SASS6: variants seen among roughly 807,000 people sequenced by gnomAD.
SASS6 encodes the protein SAS-6 centriolar assembly protein, also known as spindle assembly abnormal protein 6 homolog.
In SASS6, 59 loss-of-function variants were observed where a neutral mutation model predicts 94.9. The ratio of observed to expected loss-of-function variants is 0.62; its 90% CI spans 0.50 to 0.77. The LOEUF (loss-of-function observed/expected upper bound fraction) is 0.77, where lower values mean the gene tolerates loss of function less well. Among genes scored for constraint, SASS6 ranks in the 30% least tolerant of loss-of-function variants. SASS6 has a pLI of 0.00. For synonymous variants in SASS6, 264 were observed against 270.0 expected (o/e 0.98, Z 0.22); for missense variants, 698 against 734.1 (o/e 0.95, Z 0.57).
chr1:100,106,982 T>C lies in SASS6; in HGVS notation c.1338A>G (p.Leu446=). 1 of 1,380,654 alleles carries C rather than the reference T, an allele frequency of 7.2e-7. No homozygotes were observed. The highest frequency in any genetic ancestry group is 1.0e-6 in the Non-Finnish European group (1 of 972,300). 85.5% of individuals were successfully genotyped at this position (1,380,654 alleles called of 1,614,324 possible). A position where few individuals can be genotyped will look rare whatever the true frequency, so the allele number is the denominator to read the frequency against. ...TAACTGTAGCTTCTAATTGTTCTTG[T>C]AATTTGCATACCTGAAATATATCAA... ...LRIKEQEVCK[L]QEQLEATVKK... The change falls in exon 12 of 17, where the codon TTA becomes TTG. Residue 446 remains leucine, a synonymous_variant. Transcript: ENST00000287482.
At chr1:100,120,299 G>A (rs561746546) in intron 6 of SASS6, 95 bp downstream of exon 6, 1 of 666,922 alleles carries the variant, frequency 1.5e-6, no homozygotes, top group South Asian at 1.9e-5. Context: ...AGCATGCTTT[G>A]AAAGAAAATA....
In SASS6 at chr1:100,132,918, G is replaced by A. The variant is rs1023821209; in HGVS notation, c.-104C>T. 1.0e-5 allele frequency: 12 copies of A among 1,181,560 alleles called. No homozygotes were observed. The highest frequency in any genetic ancestry group is 3.9e-5 in the Admixed American group (2 of 51,530). The allele number at this position is 1,181,560 out of a possible 1,614,324, so 73.2% of individuals were successfully genotyped here. A position where few individuals can be genotyped will look rare whatever the true frequency, so the allele number is the denominator to read the frequency against. On this transcript the variant is annotated 5_prime_UTR_variant, in exon 1 of 17. Transcript: ENST00000287482. The stretch of plus-strand genomic sequence containing the variant: ...CTGATAAAGTTTGAGTTTGGCGCTC[G>A]GCTTCTGCGGAGGAGGCGGGGAGGG...
intron 7 of SASS6, among the ~76,000 whole-genome samples, chr1:100,117,060 G>GAGGAGGGCAGATCACCTAAGGTC (rs1653843612): frequency 6.6e-6 from 1 of 151,088 alleles, no homozygotes. Context: ...TTGGGAGGCT[G>GAGGAGGGCAGATCACCTAAGGTC]AGGAGGGCAG....
chr1:100,105,932 A>C, intron 12 of SASS6, 29 bp from the exon 13 acceptor site: 1 of 1,446,744 alleles, frequency 6.9e-7, no homozygotes, highest in African/African-American at 1.4e-5. Flanking sequence ...AAGCAAGGTA[A>C]AGAATATTGA....
rs760379093 is a variant in SASS6 at position 100,122,423 on chromosome 1, G to A, written c.268C>T (p.Leu90Phe). Residue 90 changes from leucine (L) to phenylalanine (F), a missense_variant, in exon 4 of 17, where the codon CTC becomes TTC. Transcript: ENST00000287482. ...FLAFPQKFID[L>F]LQQCTQEHAK... ...TGTTCTTGAGTACATTGCTGAAGGAGATCTATAAATTTTTGTGGGAAAGCT... is the reference window on the plus strand; with the variant it reads ...TGTTCTTGAGTACATTGCTGAAGGAAATCTATAAATTTTTGTGGGAAAGCT... The A allele has an allele frequency of 1.0e-5, 16 of 1,582,260 alleles. 1 individual carries two copies. The South Asian group carries it at 1.8e-4, about 18-fold the overall frequency.
intron 13 of SASS6, among the ~76,000 whole-genome samples, chr1:100,104,538 C>T (rs964146771): frequency 2.6e-5 from 4 of 152,062 alleles, no homozygotes; most frequent in African/African-American, 9.7e-5. Context: ...TGGCTCATGG[C>T]AACCTCCACC....
chr1:100,132,637 G>A, intron 1 of SASS6, 113 bp downstream of exon 1: 3 of 891,384 alleles, frequency 3.4e-6, no homozygotes, highest in South Asian at 2.6e-5. Flanking sequence ...CTTCCTAGGG[G>A]GGCCGACTCG....
intron 5 of SASS6, among the ~76,000 whole-genome samples, chr1:100,120,825 C>G (rs959721823): frequency 1.3e-5 from 2 of 151,682 alleles, no homozygotes; most frequent in Non-Finnish European, 2.9e-5. Flanking sequence ...CCGAGGCGGG[C>G]GGATCACGAG....
intron 14 of SASS6, among the ~76,000 whole-genome samples, chr1:100,099,826 C>G (rs1652339220): frequency 6.6e-6 from 1 of 152,020 alleles, no homozygotes; most frequent in Admixed American, 6.5e-5. Context: ...TTTTTTGGTC[C>G]TTAACAGTAA....
intron 2 of SASS6, among the ~76,000 whole-genome samples, chr1:100,123,950 G>T (rs1654386418): frequency 6.6e-6 from 1 of 152,148 alleles, no homozygotes; most frequent in African/African-American, 2.4e-5. Context: ...CTCACAAAAA[G>T]TACACCAAAA....
intron 7 of SASS6, among the ~76,000 whole-genome samples, chr1:100,117,866 AT>A (rs1653912753): frequency 6.6e-6 from 1 of 151,458 alleles, no homozygotes; most frequent in Non-Finnish European, 1.5e-5. Flanking sequence ...AAAAAAAAAA[AT>A]AACCACACAG....
chr1:100,101,416 G>T (rs891040162), intron 14 of SASS6, among the ~76,000 whole-genome samples: 1 of 151,154 alleles, frequency 6.6e-6, no homozygotes, highest in African/African-American at 2.4e-5. Flanking sequence ...TCTTGCTCCT[G>T]TATTTAAGAA....
At chr1:100,128,509 T>C (rs1385901486) in intron 1 of SASS6, among the ~76,000 whole-genome samples, 1 of 152,230 alleles carries the variant, frequency 6.6e-6, no homozygotes, top group African/African-American at 2.4e-5. Context: ...CTATATACAT[T>C]AGATGTTGAA....
In SASS6 at chr1:100,129,676, G is replaced by A. The variant is rs564750592; in HGVS notation, c.65+3074C>T. On this transcript the variant is annotated intron_variant, in intron 1 of 16. Coordinates refer to ENST00000287482, the MANE Select transcript of SASS6 (RefSeq NM_194292.3). Reference sequence around the variant, plus strand: ...TACCTGAAAGTTATGAAAGAAAAAAGCATTTGAGGCACAAGGAACAGCAGG... The same window carrying A: ...TACCTGAAAGTTATGAAAGAAAAAAACATTTGAGGCACAAGGAACAGCAGG... Among the ~76,000 whole-genome samples, 7 of 152,270 alleles carry A rather than the reference G, an allele frequency of 4.6e-5. No homozygotes were observed. In the East Asian group the frequency reaches 5.8e-4, roughly 13 times the overall value.
At chr1:100,113,019 A>T (rs1653461286) in intron 7 of SASS6, among the ~76,000 whole-genome samples, 1 of 152,216 alleles carries the variant, frequency 6.6e-6, no homozygotes, top group Non-Finnish European at 1.5e-5. Flanking sequence ...TGCAATACAG[A>T]AATACAAACA....
intron 7 of SASS6, among the ~76,000 whole-genome samples, chr1:100,112,116 A>G (rs1653383514): frequency 6.6e-6 from 1 of 152,120 alleles, no homozygotes; most frequent in African/African-American, 2.4e-5. Context: ...TAATCATTGG[A>G]AGGACAGTTT....
rs200196662 is a variant in SASS6, at chr1:100,097,829, C to CA, written c.1674+5125dup. Among the ~76,000 whole-genome samples the CA allele has an allele frequency of 1.0e-3, 149 of 149,444 alleles. 2 individuals carry two copies. The highest frequency in any genetic ancestry group is 3.3e-3 in the East Asian group (17 of 5,118). ...TGGATGACAGAATGAGATTTTATCTCAAAAAAAAAGAAGAAAGACACACAA... is the reference window on the plus strand; with the variant it reads ...TGGATGACAGAATGAGATTTTATCTCAAAAAAAAAAGAAGAAAGACACACAA... On this transcript the variant is annotated intron_variant, in intron 14 of 16. Transcript: ENST00000287482.
intron 2 of SASS6, among the ~76,000 whole-genome samples, chr1:100,124,393 T>C (rs771130449): frequency 5.3e-5 from 8 of 152,154 alleles, no homozygotes; most frequent in African/African-American, 9.7e-5. Flanking sequence ...TATTTCAGTG[T>C]TTTTTGACAT....
At chr1:100,130,729 G>A (rs1211658049) in intron 1 of SASS6, among the ~76,000 whole-genome samples, 5 of 151,064 alleles carry the variant, frequency 3.3e-5, no homozygotes, top group Admixed American at 3.3e-4. Flanking sequence ...GAGAGAGTCT[G>A]GGTTGTTCTT....
Sources: gnomAD v4.1 joint callset for allele counts (sites outside exome capture counted in the v4.1 genomes callset) on GRCh38, gnomAD v4.1.1 for gene constraint, MANE v1.5 for transcripts, NCBI Gene and HGNC (gene_info 2026-07-23, HGNC 2026-07-21) for gene names.